PLPPR1: variants seen among roughly 807,000 people sequenced by gnomAD.
PLPPR1 encodes phospholipid phosphatase-related protein type 1.
PLPPR1 carries 10 observed loss-of-function variants against 33.1 expected under a neutral mutation model. That is an observed-to-expected ratio of 0.30 (90% CI 0.19 to 0.51). The LOEUF (loss-of-function observed/expected upper bound fraction) is 0.51, where lower values mean the gene tolerates loss of function less well. Among genes scored for constraint, PLPPR1 ranks in the 20% least tolerant of loss-of-function variants. PLPPR1 has a pLI of 0.97. For missense variants in PLPPR1, 304 were observed against 408.1 expected, an observed-to-expected ratio of 0.74 and a Z score of 2.20; for synonymous variants, 151 against 151.0, an observed-to-expected ratio of 1.00 and a Z score of 0.00.
chr9:101,286,844 G>C (rs1828403247), intron 4 of PLPPR1, among the ~76,000 whole-genome samples: 1 of 152,130 alleles, frequency 6.6e-6, no homozygotes, highest in Non-Finnish European at 1.5e-5. Context: ...GTACAGGTAA[G>C]AATAGAGATC....
intron 1 of PLPPR1, among the ~76,000 whole-genome samples, chr9:101,037,451 G>A (rs1380388629): frequency 6.6e-6 from 1 of 152,036 alleles, no homozygotes; most frequent in Non-Finnish European, 1.5e-5. Context: ...GGGTTCTGGG[G>A]TGCCCTTTTT....
chr9:101,315,691 C>T (rs983275858), intron 6 of PLPPR1, among the ~76,000 whole-genome samples: 1 of 152,160 alleles, frequency 6.6e-6, no homozygotes, highest in Non-Finnish European at 1.5e-5. Context: ...AGAGAGACCA[C>T]CCTGTTGGCA....
At chr9:101,279,484 G>A (rs568743552) in intron 3 of PLPPR1, among the ~76,000 whole-genome samples, 2 of 152,238 alleles carry the variant, frequency 1.3e-5, no homozygotes, top group South Asian at 4.1e-4. Flanking sequence ...AAATGGACTT[G>A]ATATTTATAA....
At chr9:101,159,110 G>GC (rs1831739181) in intron 1 of PLPPR1, among the ~76,000 whole-genome samples, 1 of 152,106 alleles carries the variant, frequency 6.6e-6, no homozygotes, top group African/African-American at 2.4e-5. Flanking sequence ...ATGATGCCTG[G>GC]CTCCAGTTTC....
intron 2 of PLPPR1, among the ~76,000 whole-genome samples, chr9:101,223,484 T>C (rs1054295472): frequency 6.6e-6 from 1 of 152,188 alleles, no homozygotes; most frequent in Non-Finnish European, 1.5e-5. Flanking sequence ...TGTATGAATA[T>C]TGATATGGTT....
At chr9:101,315,451 T>C (rs1244087599) in intron 6 of PLPPR1, among the ~76,000 whole-genome samples, 1 of 152,174 alleles carries the variant, frequency 6.6e-6, no homozygotes, top group East Asian at 1.9e-4. Flanking sequence ...CAAGCAATTT[T>C]GTAGGGTCTT....
chr9:101,125,669 A>C, intron 1 of PLPPR1: 1 of 614,340 alleles, frequency 1.6e-6, no homozygotes, highest in Non-Finnish European at 3.0e-6. Flanking sequence ...TCACATATTT[A>C]GCAAAACAAT....
At chr9:101,307,687 T>C (rs1279969720) in intron 4 of PLPPR1, among the ~76,000 whole-genome samples, 1 of 152,186 alleles carries the variant, frequency 6.6e-6, no homozygotes, top group Non-Finnish European at 1.5e-5. Flanking sequence ...GCCAAACTAG[T>C]CTTCACTTCT....
intron 1 of PLPPR1, among the ~76,000 whole-genome samples, chr9:101,074,406 C>T (rs1377237534): frequency 6.6e-6 from 1 of 152,080 alleles, no homozygotes; most frequent in Admixed American, 6.6e-5. Context: ...AAGCAGCTTA[C>T]CCAACATGAC....
At chr9:101,166,991 G>A (rs1564163647) in intron 1 of PLPPR1, among the ~76,000 whole-genome samples, 1 of 147,980 alleles carries the variant, frequency 6.8e-6, no homozygotes, top group South Asian at 2.2e-4. Flanking sequence ...TTACCCTGTC[G>A]CTAGGGCATA....
At chr9:101,075,067 G>A (rs1830520892) in intron 1 of PLPPR1, among the ~76,000 whole-genome samples, 2 of 152,132 alleles carry the variant, frequency 1.3e-5, no homozygotes, top group South Asian at 4.1e-4. Flanking sequence ...AAAAATTAAG[G>A]TTTATGTTAA....
chr9:101,078,926 C>T (rs1830582629), intron 1 of PLPPR1, among the ~76,000 whole-genome samples: 1 of 152,158 alleles, frequency 6.6e-6, no homozygotes, highest in African/African-American at 2.4e-5. Context: ...TAATTAATGT[C>T]ATCCTCTAAA....
intron 2 of PLPPR1, among the ~76,000 whole-genome samples, chr9:101,255,597 A>AT (rs991638446): frequency 2.0e-5 from 3 of 152,046 alleles, no homozygotes; most frequent in African/African-American, 4.8e-5. Flanking sequence ...AATTATTTCC[A>AT]TTTTTTTGCT....
At chr9:101,106,049 A>G (rs1246148125) in intron 1 of PLPPR1, among the ~76,000 whole-genome samples, 1 of 151,228 alleles carries the variant, frequency 6.6e-6, no homozygotes, top group Non-Finnish European at 1.5e-5. Flanking sequence ...GTGTCTCTGC[A>G]TGTGAGATGG....
chr9:101,258,522 A>T (rs1468108512), intron 2 of PLPPR1, among the ~76,000 whole-genome samples: 1 of 152,214 alleles, frequency 6.6e-6, no homozygotes, highest in Non-Finnish European at 1.5e-5. Flanking sequence ...TTAACGAAAG[A>T]TATAGCGGAA....
At chr9:101,228,615 A>C (rs1181837729) in intron 2 of PLPPR1, among the ~76,000 whole-genome samples, 2 of 152,200 alleles carry the variant, frequency 1.3e-5, no homozygotes, top group African/African-American at 4.8e-5. Context: ...ATTTAAACAA[A>C]AGAAAAAAAC....
At chr9:101,280,290 T>C (rs948133702) in intron 3 of PLPPR1, among the ~76,000 whole-genome samples, 47 of 152,128 alleles carry the variant, frequency 3.1e-4, no homozygotes, top group African/African-American at 1.1e-3. Flanking sequence ...ATCAAAGTCA[T>C]AGTAAAAAGC....
At chr9:101,039,288 T>C (rs1008075374) in intron 1 of PLPPR1, among the ~76,000 whole-genome samples, 4 of 152,134 alleles carry the variant, frequency 2.6e-5, no homozygotes, top group African/African-American at 7.2e-5. Context: ...CTTACTCTTA[T>C]GAAGTCTCAG....
intron 1 of PLPPR1, among the ~76,000 whole-genome samples, chr9:101,099,083 A>AGGCCGGGCGCGGTGGCTC (rs1564144178): frequency 2.7e-5 from 4 of 150,446 alleles, no homozygotes; most frequent in African/African-American, 9.8e-5. Flanking sequence ...AAATAAGTCT[A>AGGCCGGGCGCGGTGGCTC]ATGGATGTGG....
Sources: allele counts gnomAD v4.1 joint callset (sites outside exome capture counted in the v4.1 genomes callset), GRCh38; gene constraint gnomAD v4.1.1; transcripts MANE v1.5; gene names NCBI Gene and HGNC (gene_info 2026-07-23, HGNC 2026-07-21).